Variants in ATP9A observed in about 807,000 individuals in gnomAD.
ATP9A encodes ATPase phospholipid transporting 9A, also known as probable phospholipid-transporting ATPase IIA.
Under a neutral mutation model 144.1 loss-of-function variants are expected in ATP9A, and 52 were observed. The ratio of observed to expected loss-of-function variants is 0.36; its 90% CI spans 0.29 to 0.45. The LOEUF (loss-of-function observed/expected upper bound fraction) is 0.45, where lower values mean the gene tolerates loss of function less well. Among genes scored for constraint, ATP9A ranks in the 20% least tolerant of loss-of-function variants. The pLI is 1.00. For synonymous variants in ATP9A, 582 were observed against 557.4 expected (o/e 1.04, Z -0.62); for missense variants, 947 against 1,392.7 (o/e 0.68, Z 5.09).
At chr20:51,670,636 G>A (rs993482534) in intron 12 of ATP9A, among the ~76,000 whole-genome samples, 3 of 152,154 alleles carry the variant, frequency 2.0e-5, no homozygotes, top group Non-Finnish European at 2.9e-5. Flanking sequence ...ACATTAAGCA[G>A]TAGAGATGAG....
Position 51,600,954 on chromosome 20 carries a change from C to A in ATP9A, c.*257G>T. 1 of 323,306 alleles carries A rather than the reference C, an allele frequency of 3.1e-6. No homozygotes were observed. Among genetic ancestry groups the A allele is most frequent in the Non-Finnish European group, 5.6e-6 (1 of 179,034 alleles). The allele number at this position is 323,306 out of a possible 1,614,324, so 20.0% of individuals were successfully genotyped here. ...CCATATAAATCTCCCAGCTGAGCCA[C>A]CAGCTTTAACATATTCATATTCACC... On this transcript the variant is annotated 3_prime_UTR_variant, in exon 28 of 28. Transcript: ENST00000338821.
chr20:51,688,164 T>G (rs1382475299), intron 9 of ATP9A, among the ~76,000 whole-genome samples: 1 of 152,190 alleles, frequency 6.6e-6, no homozygotes, highest in Non-Finnish European at 1.5e-5. Context: ...TTAGGAGGGT[T>G]AAGTGCAGTG....
intron 3 of ATP9A, among the ~76,000 whole-genome samples, chr20:51,719,446 A>G (rs2077678456): frequency 6.6e-6 from 1 of 152,192 alleles, no homozygotes; most frequent in African/African-American, 2.4e-5. Flanking sequence ...TAAAAAGAAG[A>G]AACATGGGCC....
At chr20:51,702,819 G>C (rs1363333448) in intron 4 of ATP9A, among the ~76,000 whole-genome samples, 3 of 152,116 alleles carry the variant, frequency 2.0e-5, no homozygotes, top group African/African-American at 4.8e-5. Flanking sequence ...CTAACAGAAG[G>C]GTTCTTGTCT....
intron 12 of ATP9A, among the ~76,000 whole-genome samples, chr20:51,670,586 C>T (rs973914354): frequency 9.2e-5 from 14 of 152,092 alleles, no homozygotes; most frequent in Admixed American, 6.6e-5. Flanking sequence ...TTTGGTGAGC[C>T]GCCCAGGATC....
chr20:51,665,965 G>A (rs1014792746), intron 13 of ATP9A, among the ~76,000 whole-genome samples: 4 of 152,020 alleles, frequency 2.6e-5, no homozygotes, highest in African/African-American at 7.3e-5. Flanking sequence ...CATAAACTGC[G>A]GCCTACATTT....
intron 7 of ATP9A, 67 bp downstream of exon 7, chr20:51,693,940 AG>A (rs2077559188): frequency 1.6e-6 from 2 of 1,242,522 alleles, no homozygotes; most frequent in Non-Finnish European, 2.2e-6. Flanking sequence ...CTGGCCCCCC[AG>A]GTATGAGTTT....
At chr20:51,744,832 A>G (rs2077800640) in intron 1 of ATP9A, among the ~76,000 whole-genome samples, 1 of 152,232 alleles carries the variant, frequency 6.6e-6, no homozygotes, top group African/African-American at 2.4e-5. Flanking sequence ...GAAGAACATG[A>G]AGAAAAATTA....
At position 51,709,924 on chromosome 20, in the gene ATP9A, C is replaced by T. The variant is rs561283839; in HGVS notation, c.436+3042G>A. 3.3e-5 allele frequency among the ~76,000 whole-genome samples: 5 copies of T among 152,218 alleles called. No individual in the cohort carries two copies. The East Asian group carries it at 7.7e-4, about 23-fold the overall frequency. On this transcript the variant is annotated intron_variant, in intron 4 of 27. Coordinates refer to ENST00000338821, the MANE Select transcript of ATP9A (RefSeq NM_006045.3). ...AAAGGATGTAGCAGGTAGGTAAATA[C>T]CATGGTCTATAATCTAGTGATCAAG...
chr20:51,662,901 T>A (rs997303113), intron 13 of ATP9A, among the ~76,000 whole-genome samples: 16 of 151,694 alleles, frequency 1.1e-4, no homozygotes, highest in Admixed American at 5.9e-4. Flanking sequence ...TGAAACCCCG[T>A]CTCTACTAAA....
chr20:51,758,702 G>A (rs946565055), intron 1 of ATP9A, among the ~76,000 whole-genome samples: 6 of 152,208 alleles, frequency 3.9e-5, no homozygotes, highest in East Asian at 3.9e-4. Context: ...CAAGGCGGGC[G>A]GATCATGAGG....
intron 1 of ATP9A, among the ~76,000 whole-genome samples, chr20:51,733,609 G>A (rs180761699): frequency 3.9e-5 from 6 of 151,932 alleles, no homozygotes; most frequent in African/African-American, 1.5e-4. Context: ...TCCTGACCTC[G>A]TGATCCGCCT....
In ATP9A at chr20:51,719,749, G is replaced by GAAAAAAA. The variant is rs1343871320; in HGVS notation, c.327+6069_327+6070insTTTTTTT. On this transcript the variant is annotated intron_variant, in intron 3 of 27. Transcript: ENST00000338821. ...TCTGTCTCAAAAAAAAAAAAAAGGG[G>GAAAAAAA]GGGGAAGAAGAAACGGGCTGGGCAC... 1.2e-4 allele frequency among the ~76,000 whole-genome samples: 15 copies of GAAAAAAA among 128,608 alleles called. 1 individual carries two copies. Among genetic ancestry groups the GAAAAAAA allele is most frequent in the East Asian group, 2.3e-4 (1 of 4,384 alleles). 84.4% of individuals were successfully genotyped at this position (128,608 alleles called of 152,430 possible).
intron 18 of ATP9A, among the ~76,000 whole-genome samples, chr20:51,623,801 A>AAAAAAAG (rs558189054): frequency 7.5e-6 from 1 of 133,388 alleles, no homozygotes; most frequent in Non-Finnish European, 1.5e-5. Context: ...AAAAAAAAAA[A>AAAAAAAG]AAAGAAAGAA....
rs532666868 is a variant in ATP9A at position 51,657,587 on chromosome 20, G to A, written c.1294-437C>T. 5.3e-5 allele frequency among the ~76,000 whole-genome samples: 8 copies of A among 152,268 alleles called. No individual in the cohort carries two copies. In the South Asian group the frequency reaches 1.7e-3, roughly 32 times the overall value. Reference sequence around the variant, plus strand: ...CTGTCCTCCAGCCACCAGATGCGCTGGACGCCAGCAGCACTCCCCTAGTTG... The same window carrying A: ...CTGTCCTCCAGCCACCAGATGCGCTAGACGCCAGCAGCACTCCCCTAGTTG... On this transcript the variant is annotated intron_variant, in intron 13 of 27. Coordinates refer to ENST00000338821, the MANE Select transcript of ATP9A (RefSeq NM_006045.3).
intron 7 of ATP9A, among the ~76,000 whole-genome samples, chr20:51,691,569 G>A (rs181426862): frequency 2.6e-5 from 4 of 152,196 alleles, no homozygotes; most frequent in South Asian, 2.1e-4. Flanking sequence ...CCTCCCACCC[G>A]TAAGGATGGC....
intron 26 of ATP9A, 40 bp downstream of exon 26, chr20:51,607,486 AC>A: frequency 6.5e-7 from 1 of 1,538,146 alleles, no homozygotes; most frequent in Non-Finnish European, 9.0e-7. Context: ...CTGAGTCAGT[AC>A]CAGAGCACAA....
chr20:51,747,098 G>GT (rs11467381), intron 1 of ATP9A, among the ~76,000 whole-genome samples: 37,642 of 138,384 alleles, frequency 0.27, 5,164 homozygotes, highest in East Asian at 0.4. Flanking sequence ...TGGGTTTTTC[G>GT]TTTTTTTTTT....
At chr20:51,730,658 A>G (rs960411457) in intron 1 of ATP9A, among the ~76,000 whole-genome samples, 1 of 152,202 alleles carries the variant, frequency 6.6e-6, no homozygotes, top group Non-Finnish European at 1.5e-5. Flanking sequence ...TGAATGGTAC[A>G]GCCTATTATT....
Sources: gnomAD v4.1 joint callset for allele counts (sites outside exome capture counted in the v4.1 genomes callset) on GRCh38, gnomAD v4.1.1 for gene constraint, MANE v1.5 for transcripts, NCBI Gene and HGNC (gene_info 2026-07-23, HGNC 2026-07-21) for gene names.